Variants in SLC22A14 observed in about 807,000 individuals in gnomAD.
SLC22A14 encodes solute carrier family 22 member 14, also known as organic cation transporter-like 4.
Under a neutral mutation model 53.9 loss-of-function variants are expected in SLC22A14, and 50 were observed. The observed-to-expected ratio is 0.93, with a 90% CI of 0.74 to 1.17. SLC22A14 has a LOEUF of 1.17. SLC22A14 is among the 50% of genes most tolerant of loss of function. The probability of loss-of-function intolerance (pLI) is 0.00; values close to 1 mark genes in which losing one functional copy is unlikely to be tolerated. For missense variants in SLC22A14, 671 were observed against 734.7 expected (o/e 0.91, Z 1.00); for synonymous variants, 312 against 303.0 (o/e 1.03, Z -0.31).
intron 5 of SLC22A14, among the ~76,000 whole-genome samples, 189 bp downstream of exon 5, chr3:38,309,311 C>G (rs760535507): frequency 6.6e-6 from 1 of 152,080 alleles, no homozygotes; most frequent in Non-Finnish European, 1.5e-5. Context: ...CCTCCCCGAC[C>G]CAGAGAAGAC....
chr3:38,292,738 A>G lies in SLC22A14; in HGVS notation c.-1+10399A>G, dbSNP rs539624543. On this transcript the variant is annotated intron_variant, in intron 1 of 10. Coordinates refer to ENST00000448498, the MANE Select transcript of SLC22A14 (RefSeq NM_001320033.2). Reference sequence around the variant, plus strand: ...AGACTTCAGGATTAATTCCTTCCTCAAGCAGGGGACAACAAATGGGTGTTC... The same window carrying G: ...AGACTTCAGGATTAATTCCTTCCTCGAGCAGGGGACAACAAATGGGTGTTC... Among the ~76,000 whole-genome samples the G allele has an allele frequency of 4.6e-4, 70 of 152,178 alleles. 1 individual carries two copies. Among genetic ancestry groups the G allele is most frequent in the African/African-American group, 1.7e-3 (69 of 41,516 alleles).
upstream of SLC22A14, among the ~76,000 whole-genome samples, chr3:38,278,867 T>C (rs1209532084): frequency 1.5e-5 from 2 of 131,328 alleles, no homozygotes; most frequent in East Asian, 4.5e-4. Flanking sequence ...TGGGCGCCCA[T>C]AAAGAGACCT....
intron 1 of SLC22A14, among the ~76,000 whole-genome samples, chr3:38,298,423 C>CT (rs1009736926): frequency 6.8e-5 from 10 of 146,492 alleles, no homozygotes; most frequent in South Asian, 2.2e-4. Flanking sequence ...CTTGCACACA[C>CT]ATCTATCTAT....
intron 6 of SLC22A14, 126 bp downstream of exon 6, chr3:38,313,245 G>A: frequency 2.1e-6 from 3 of 1,460,198 alleles, no homozygotes; most frequent in Middle Eastern, 2.4e-4. Context: ...AAGGACAATG[G>A]TGACAGCAAA....
intron 1 of SLC22A14, 175 bp from the exon 2 acceptor site, chr3:38,305,852 G>A (rs1332302784): frequency 3.1e-6 from 2 of 653,102 alleles, no homozygotes; most frequent in African/African-American, 3.6e-5. Context: ...TGGGCCAGGG[G>A]GGAATAAATC....
intron 1 of SLC22A14, among the ~76,000 whole-genome samples, chr3:38,296,748 C>T (rs113053283): frequency 0.064 from 9,761 of 152,212 alleles, 375 homozygotes; most frequent in East Asian, 0.16. Context: ...AGAAGAGAGC[C>T]GTGGAACCCA....
At chr3:38,300,364 T>G (rs1190720765) in intron 1 of SLC22A14, among the ~76,000 whole-genome samples, 5 of 152,136 alleles carry the variant, frequency 3.3e-5, no homozygotes, top group African/African-American at 1.2e-4. Context: ...CACTTGAACC[T>G]GGGAGGCGGA....
At chr3:38,289,180 CAAAAAAAAAA>C (rs1173451784) in intron 1 of SLC22A14, among the ~76,000 whole-genome samples, 39 of 52,994 alleles carry the variant, frequency 7.4e-4, no homozygotes, top group South Asian at 8.3e-4. Flanking sequence ...TCTATCTCTA[CAAAAAAAAAA>C]AAAAAAAAAA....
chr3:38,282,718 G>A (rs1243595913), intron 1 of SLC22A14, among the ~76,000 whole-genome samples: 1 of 152,180 alleles, frequency 6.6e-6, no homozygotes, highest in Admixed American at 6.5e-5. Flanking sequence ...GGGGTATCAG[G>A]TGGTGCTGGG....
At chr3:38,284,909 C>A (rs1006469189) in intron 1 of SLC22A14, among the ~76,000 whole-genome samples, 3 of 152,140 alleles carry the variant, frequency 2.0e-5, no homozygotes, top group Non-Finnish European at 4.4e-5. Context: ...ATGGGTTGCT[C>A]TTTCCGGAGG....
chr3:38,307,790 G>A lies in SLC22A14; in HGVS notation c.775+70G>A. 1.3e-6 allele frequency: 2 copies of A among 1,553,468 alleles called. No homozygotes were observed. The highest frequency in any genetic ancestry group is 1.8e-6 in the Non-Finnish European group (2 of 1,134,024). On this transcript the variant is annotated intron_variant, in intron 4 of 10. Transcript: ENST00000448498. The surrounding 1 kb of genome is among the most constrained non-coding windows in gnomAD (Gnocchi z 4.4). ...ATGGCGGCATAGGCGGGTGACAAGG[G>A]GACATAGTGGCAGGGGGCGTGGCGG...
intron 1 of SLC22A14, among the ~76,000 whole-genome samples, chr3:38,298,423 CATCTATCT>C (rs60379934): frequency 0.14 from 20,420 of 146,336 alleles, 1,477 homozygotes; most frequent in East Asian, 0.21. Context: ...CTTGCACACA[CATCTATCT>C]ATCTATCTAT....
chr3:38,289,888 T>G (rs1028139156), intron 1 of SLC22A14, among the ~76,000 whole-genome samples: 2 of 152,094 alleles, frequency 1.3e-5, no homozygotes, highest in Non-Finnish European at 2.9e-5. Context: ...AAAACAGAGC[T>G]CCCATACAAA....
chr3:38,297,587 A>G (rs1346971021), intron 1 of SLC22A14, among the ~76,000 whole-genome samples: 1 of 152,066 alleles, frequency 6.6e-6, no homozygotes, highest in Non-Finnish European at 1.5e-5. Context: ...CCTAGCATCC[A>G]TTAGCTATTC....
At chr3:38,295,085 C>G (rs1703997946) in intron 1 of SLC22A14, among the ~76,000 whole-genome samples, 1 of 152,206 alleles carries the variant, frequency 6.6e-6, no homozygotes, top group South Asian at 2.1e-4. Flanking sequence ...TTATCAATTA[C>G]TGAATACCCA....
chr3:38,295,772 G>GTCTCTCTCCTC (rs150122235), intron 1 of SLC22A14, among the ~76,000 whole-genome samples: 9,677 of 149,714 alleles, frequency 0.065, 371 homozygotes, highest in East Asian at 0.16. Flanking sequence ...TCTCCTCTCT[G>GTCTCTCTCCTC]TCTGTCTCTG....
At chr3:38,303,601 G>T (rs1277962127) in intron 1 of SLC22A14, among the ~76,000 whole-genome samples, 1 of 151,502 alleles carries the variant, frequency 6.6e-6, no homozygotes, top group Admixed American at 6.6e-5. Context: ...CAATATTGTT[G>T]TTAAGATATA....
intron 5 of SLC22A14, 67 bp downstream of exon 5, chr3:38,309,189 G>C: frequency 7.2e-7 from 1 of 1,396,026 alleles, no homozygotes; most frequent in African/African-American, 1.4e-5. Flanking sequence ...TGAGTATGGA[G>C]GGTCCTTGAA....
chr3:38,296,350 G>T (rs1704037628), intron 1 of SLC22A14, among the ~76,000 whole-genome samples: 1 of 151,434 alleles, frequency 6.6e-6, no homozygotes, highest in Admixed American at 6.6e-5. Context: ...AGAAGGGTTG[G>T]GGGTTGTTAG....
Sources: allele counts gnomAD v4.1 joint callset (sites outside exome capture counted in the v4.1 genomes callset), GRCh38; gene constraint gnomAD v4.1.1; non-coding constraint Gnocchi (gnomAD v3.1); transcripts MANE v1.5; gene names NCBI Gene and HGNC (gene_info 2026-07-23, HGNC 2026-07-21).